Variants in NRXN3 observed in about 807,000 individuals in gnomAD.
NRXN3 encodes the protein neurexin 3.
A neutral mutation model predicts 137.6 loss-of-function variants in NRXN3; 32 were observed. That is an observed-to-expected ratio of 0.23 (90% CI 0.18 to 0.31). The LOEUF (loss-of-function observed/expected upper bound fraction) is 0.31, where lower values mean the gene tolerates loss of function less well. NRXN3 is among the 10% of genes least tolerant of loss of function. The probability of loss-of-function intolerance (pLI) is 1.00; values close to 1 mark genes in which losing one functional copy is unlikely to be tolerated. For synonymous variants in NRXN3, 798 were observed against 784.5 expected, an observed-to-expected ratio of 1.02 and a Z score of -0.29; for missense variants, 1,574 against 2,062.5, an observed-to-expected ratio of 0.76 and a Z score of 4.59.
At chr14:78,220,662 A>C (rs1261479854) in intron 1 of NRXN3, among the ~76,000 whole-genome samples, 1 of 152,124 alleles carries the variant, frequency 6.6e-6, no homozygotes, top group Non-Finnish European at 1.5e-5. Context: ...TGCTGGGGGC[A>C]GGGGGTGAGT....
At chr14:78,230,701 C>T (rs929534396) in intron 1 of NRXN3, among the ~76,000 whole-genome samples, 3 of 152,082 alleles carry the variant, frequency 2.0e-5, no homozygotes, top group African/African-American at 7.2e-5. Context: ...GTTCTGAAAA[C>T]ACCAAGGAGG....
chr14:79,733,470 C>T (rs929948316), intron 19 of NRXN3, among the ~76,000 whole-genome samples: 2 of 152,052 alleles, frequency 1.3e-5, no homozygotes, highest in Admixed American at 6.6e-5. Flanking sequence ...GAAAACGTGC[C>T]GCTAAAACCT....
intron 20 of NRXN3, among the ~76,000 whole-genome samples, chr14:79,824,865 G>C (rs1206030612): frequency 6.6e-6 from 1 of 152,144 alleles, no homozygotes; most frequent in Non-Finnish European, 1.5e-5. Context: ...TATAACGGAT[G>C]CATAAAGATT....
intron 15 of NRXN3, among the ~76,000 whole-genome samples, chr14:79,400,058 A>G (rs1254486540): frequency 6.6e-6 from 1 of 152,194 alleles, no homozygotes; most frequent in Admixed American, 6.5e-5. Context: ...TGATACGAAC[A>G]CTAGTCTTTT....
At chr14:79,377,032 T>C (rs1387670466) in intron 15 of NRXN3, among the ~76,000 whole-genome samples, 4 of 152,244 alleles carry the variant, frequency 2.6e-5, no homozygotes, top group Non-Finnish European at 5.9e-5. Context: ...TTCCATTGGC[T>C]GACTGATGTG....
chr14:78,863,425 C>T (rs1344760922), intron 10 of NRXN3, among the ~76,000 whole-genome samples: 1 of 152,024 alleles, frequency 6.6e-6, no homozygotes, highest in South Asian at 2.1e-4. Flanking sequence ...TGTTTCTTAT[C>T]TTCACCTTTT....
At position 78,499,860 on chromosome 14, in the gene NRXN3, TGAGAGAGAGAGGGA is replaced by T. The variant is rs369869062; in HGVS notation, c.758-145249_758-145236del. ...CATCATGGCAGCTTCACCAAAGTCATGAGAGAGAGAGGGAGAGAGAGAGACAGAGCCTGCTAACT... is the reference window on the plus strand; with the variant it reads ...CATCATGGCAGCTTCACCAAAGTCATGAGAGAGAGACAGAGCCTGCTAACT... On this transcript the variant is annotated intron_variant, in intron 4 of 20. Transcript: ENST00000335750. Among the ~76,000 whole-genome samples, 358 of 152,022 alleles carry T rather than the reference TGAGAGAGAGAGGGA, an allele frequency of 2.4e-3. 1 individual carries two copies. Among genetic ancestry groups the T allele is most frequent in the African/African-American group, 7.9e-3 (327 of 41,502 alleles).
intron 6 of NRXN3, among the ~76,000 whole-genome samples, chr14:78,669,598 A>G (rs924973460): frequency 2.0e-5 from 3 of 152,064 alleles, no homozygotes; most frequent in African/African-American, 7.2e-5. Context: ...GTTTGTCCGG[A>G]TGATTTTAGT....
intron 4 of NRXN3, among the ~76,000 whole-genome samples, chr14:78,360,545 C>T (rs1304273102): frequency 6.6e-6 from 1 of 152,076 alleles, no homozygotes; most frequent in African/African-American, 2.4e-5. Context: ...CATTTACTAC[C>T]CATGTAGCCC....
chr14:79,057,666 C>T lies in NRXN3; in HGVS notation c.3262+69525C>T, dbSNP rs117760305. On this transcript the variant is annotated intron_variant, in intron 15 of 20. Transcript: ENST00000335750. ...GACCTTTTAGGTAACTGAAAAATGG[C>T]AAGTCCATTGGGTTTAAAAGGTAAA... Among the ~76,000 whole-genome samples, 17 of 152,220 alleles carry T rather than the reference C, an allele frequency of 1.1e-4. No homozygotes were observed. The East Asian group carries it at 3.3e-3, about 29-fold the overall frequency.
At chr14:79,504,425 T>C (rs1412799238) in intron 16 of NRXN3, among the ~76,000 whole-genome samples, 1 of 151,762 alleles carries the variant, frequency 6.6e-6, no homozygotes, top group South Asian at 2.1e-4. Flanking sequence ...CAGAATTTTA[T>C]CTATTGCAAA....
intron 2 of NRXN3, among the ~76,000 whole-genome samples, chr14:78,255,525 A>G (rs1159593949): frequency 6.6e-6 from 1 of 152,244 alleles, no homozygotes; most frequent in East Asian, 1.9e-4. Context: ...ACCAGTGGCT[A>G]CATTTTAATG....
chr14:78,520,435 C>T (rs530404726), intron 4 of NRXN3, among the ~76,000 whole-genome samples: 19 of 152,102 alleles, frequency 1.2e-4, no homozygotes, highest in South Asian at 4.2e-4. Context: ...ATACTTATTA[C>T]GTATTTATTG....
intron 10 of NRXN3, among the ~76,000 whole-genome samples, chr14:78,945,040 T>C (rs1468269699): frequency 1.3e-5 from 2 of 152,200 alleles, no homozygotes; most frequent in East Asian, 3.9e-4. Context: ...CAGGACTATT[T>C]TATGCATATA....
intron 6 of NRXN3, chr14:78,703,554 G>A (rs1349436260): frequency 3.3e-5 from 5 of 152,230 alleles, no homozygotes; most frequent in Non-Finnish European, 5.9e-5. Flanking sequence ...AAATTTGGAA[G>A]GGAGATAAGT....
intron 1 of NRXN3, among the ~76,000 whole-genome samples, chr14:78,187,483 G>A (rs2060329673): frequency 6.6e-6 from 1 of 152,094 alleles, no homozygotes. Flanking sequence ...CATGTGCAAG[G>A]TCATCTAATC....
chr14:78,663,363 A>G (rs2097855937), intron 6 of NRXN3, among the ~76,000 whole-genome samples: 1 of 152,140 alleles, frequency 6.6e-6, no homozygotes, highest in Admixed American at 6.5e-5. Flanking sequence ...ACAATTACCT[A>G]TTTCTTTCAC....
chr14:78,182,304 C>A lies in NRXN3; in HGVS notation c.-704+11630C>A, dbSNP rs182973059. On this transcript the variant is annotated intron_variant, in intron 1 of 20. Coordinates refer to ENST00000335750, the MANE Select transcript of NRXN3 (RefSeq NM_001330195.2). ...AAAGGTGCCCAGTCTGGAACTAAAACCAAAGCTTGTAAGGCTCTCCTACAC... is the reference window on the plus strand; with the variant it reads ...AAAGGTGCCCAGTCTGGAACTAAAAACAAAGCTTGTAAGGCTCTCCTACAC... Among the ~76,000 whole-genome samples, 948 of 152,010 alleles carry A rather than the reference C, an allele frequency of 6.2e-3. 11 individuals are homozygous for A. Among genetic ancestry groups the A allele is most frequent in the African/African-American group, 0.022 (902 of 41,434 alleles).
At position 79,608,669 on chromosome 14, in the gene NRXN3, G is replaced by A. The variant is rs563363421; in HGVS notation, c.3445-55109G>A. On this transcript the variant is annotated intron_variant, in intron 16 of 20. Transcript: ENST00000335750. ...GGCTGTGGTCCAGCCAGCCTGGGGC[G>A]CTTCTAGTATTCTCTGTCATGGGGC... Among the ~76,000 whole-genome samples, 12 of 152,294 alleles carry A rather than the reference G, an allele frequency of 7.9e-5. No homozygotes were observed. The East Asian group carries it at 2.3e-3, about 29-fold the overall frequency.
Sources: allele counts gnomAD v4.1 joint callset (sites outside exome capture counted in the v4.1 genomes callset), GRCh38; gene constraint gnomAD v4.1.1; transcripts MANE v1.5; gene names NCBI Gene and HGNC (gene_info 2026-07-23, HGNC 2026-07-21).